DNAAF1: variants seen among roughly 807,000 people sequenced by gnomAD.
DNAAF1 encodes the protein dynein assembly factor 1, axonemal.
In DNAAF1, 65 loss-of-function variants were observed where a neutral mutation model predicts 71.1. That is an observed-to-expected ratio of 0.91 (90% CI 0.75 to 1.12). The LOEUF (loss-of-function observed/expected upper bound fraction) is 1.12. Ranked by LOEUF, DNAAF1 falls within the 50% of genes most tolerant of loss-of-function variation. The pLI is 0.00. For synonymous variants in DNAAF1, 414 were observed against 354.6 expected, an observed-to-expected ratio of 1.17 and a Z score of -1.88; for missense variants, 1,178 against 899.8, an observed-to-expected ratio of 1.31 and a Z score of -3.96.
At chr16:84,169,786 C>T (rs2088226247) in intron 7 of DNAAF1, 73 bp from the exon 8 acceptor site, 1 of 1,596,898 alleles carries the variant, frequency 6.3e-7, no homozygotes, top group South Asian at 1.1e-5. Flanking sequence ...TGCTGTGAGC[C>T]CTTGATGTAC....
chr16:84,146,692 C>T (rs1259773096), intron 1 of DNAAF1, among the ~76,000 whole-genome samples: 2 of 151,820 alleles, frequency 1.3e-5, no homozygotes, highest in Non-Finnish European at 2.9e-5. Flanking sequence ...CTGCAGTGAG[C>T]CAAGATCACA....
At chr16:84,161,593 T>G (rs920010846) in intron 6 of DNAAF1, among the ~76,000 whole-genome samples, 1 of 151,676 alleles carries the variant, frequency 6.6e-6, no homozygotes, top group Non-Finnish European at 1.5e-5. Context: ...CTCAAATTTC[T>G]GGCCTCAAGT....
intron 10 of DNAAF1, chr16:84,175,602 C>A: frequency 2.7e-6 from 1 of 366,890 alleles, no homozygotes; most frequent in South Asian, 2.5e-5. Context: ...GAGCTAAGTC[C>A]CAGAGAGTCT....
At chr16:84,173,116 C>G in intron 9 of DNAAF1, 13 of 986,156 alleles carry the variant, frequency 1.3e-5, no homozygotes, top group Non-Finnish European at 1.6e-5. Flanking sequence ...TAAACTTCTT[C>G]TAAACTGGTG....
At chr16:84,155,427 C>G (rs914525678) in intron 4 of DNAAF1, among the ~76,000 whole-genome samples, 156 bp from the exon 5 acceptor site, 1 of 152,204 alleles carries the variant, frequency 6.6e-6, no homozygotes, top group East Asian at 1.9e-4. Flanking sequence ...TGGGGTCTCA[C>G]TGTGTTGCCC....
chr16:84,167,563 T>G (rs1306931518), intron 7 of DNAAF1, among the ~76,000 whole-genome samples: 3 of 152,154 alleles, frequency 2.0e-5, no homozygotes, highest in Non-Finnish European at 4.4e-5. Flanking sequence ...TCTTAGGAGC[T>G]CTGTGTCAGG....
chr16:84,147,701 G>C (rs72800710), intron 1 of DNAAF1, among the ~76,000 whole-genome samples: 1 of 151,564 alleles, frequency 6.6e-6, no homozygotes, highest in East Asian at 1.9e-4. Flanking sequence ...AATTGAAAAT[G>C]AGTAACATTT....
chr16:84,174,787 C>T (rs772878634), intron 10 of DNAAF1, 65 bp downstream of exon 10: 1 of 1,593,548 alleles, frequency 6.3e-7, no homozygotes, highest in South Asian at 1.1e-5. Flanking sequence ...TTGTCGTTTA[C>T]CGTTTCTCTC....
chr16:84,148,962 G>A (rs748892828), intron 1 of DNAAF1, 45 bp from the exon 2 acceptor site: 3 of 1,610,090 alleles, frequency 1.9e-6, no homozygotes, highest in African/African-American at 2.7e-5. Flanking sequence ...GTATTTTTTG[G>A]CATATATCTT....
At chr16:84,167,960 C>G (rs953223639) in intron 7 of DNAAF1, among the ~76,000 whole-genome samples, 1 of 151,334 alleles carries the variant, frequency 6.6e-6, no homozygotes. Context: ...GAGGTTGCAG[C>G]GAGCCGAGAT....
chr16:84,148,596 C>CTCTCCTTTTTTTTTTTTTTTTTT, intron 1 of DNAAF1, among the ~76,000 whole-genome samples: 1 of 43,576 alleles, frequency 2.3e-5, no homozygotes, highest in Non-Finnish European at 4.1e-5. Context: ...CTCTCTCTCT[C>CTCTCCTTTTTTTTTTTTTTTTTT]TTTTTTTTTT....
intron 8 of DNAAF1, among the ~76,000 whole-genome samples, chr16:84,171,416 C>T (rs1406196831): frequency 5.9e-5 from 9 of 152,164 alleles, no homozygotes; most frequent in African/African-American, 1.9e-4. Flanking sequence ...TGCACCACTG[C>T]ACTCCAGCCG....
In DNAAF1 at chr16:84,165,754, C is replaced by T. The variant is rs748210511; in HGVS notation, c.864-29C>T. 2.5e-6 allele frequency: 4 copies of T among 1,604,422 alleles called. No homozygotes were observed. The Admixed American group carries it at 5.0e-5, about 20-fold the overall frequency. On this transcript the variant is annotated intron_variant, in intron 6 of 11. Coordinates refer to ENST00000378553, the MANE Select transcript of DNAAF1 (RefSeq NM_178452.6). ...AGTGTATGTTTGGAGTTCACCTCCC[C>T]TATTTATGTTTCTTTGTTTTTTAAA... is the stretch of plus-strand genomic sequence containing the variant.
At chr16:84,156,170 C>G (rs947717191) in intron 5 of DNAAF1, among the ~76,000 whole-genome samples, 1 of 152,128 alleles carries the variant, frequency 6.6e-6, no homozygotes, top group Admixed American at 6.6e-5. Context: ...ATCATGTTGT[C>G]CAGGCTGGTC....
At chr16:84,156,823 T>TCTTTC (rs945792671) in intron 5 of DNAAF1, among the ~76,000 whole-genome samples, 1 of 139,200 alleles carries the variant, frequency 7.2e-6, no homozygotes, top group African/African-American at 2.7e-5. Flanking sequence ...TCTTTTCTTT[T>TCTTTC]CTTTCCTTTC....
chr16:84,175,395 T>G, intron 10 of DNAAF1: 1 of 182,048 alleles, frequency 5.5e-6, no homozygotes, highest in Non-Finnish European at 1.2e-5. Flanking sequence ...AAGGGGTGAG[T>G]CTGTGAGGCA....
intron 9 of DNAAF1, chr16:84,173,056 T>C: frequency 1.0e-6 from 1 of 990,294 alleles, no homozygotes; most frequent in Non-Finnish European, 1.2e-6. Context: ...CATTTCTGGG[T>C]ACCTCTGACC....
At chr16:84,148,742 G>A (rs1353128232) in intron 1 of DNAAF1, among the ~76,000 whole-genome samples, 2 of 151,106 alleles carry the variant, frequency 1.3e-5, no homozygotes, top group Non-Finnish European at 2.9e-5. Context: ...GGGAATACAG[G>A]CACGCACCAC....
chr16:84,150,196 T>C (rs1250522426), intron 2 of DNAAF1, 55 bp from the exon 3 acceptor site: 3 of 1,346,176 alleles, frequency 2.2e-6, no homozygotes, highest in South Asian at 2.3e-5. Context: ...TGTGAGAATA[T>C]GTTTTACAGC....
Sources: gnomAD v4.1 joint callset for allele counts (sites outside exome capture counted in the v4.1 genomes callset) on GRCh38, gnomAD v4.1.1 for gene constraint, MANE v1.5 for transcripts, NCBI Gene and HGNC (gene_info 2026-07-23, HGNC 2026-07-21) for gene names.